RGL1: variants seen among roughly 807,000 people sequenced by gnomAD.
RGL1 encodes ral guanine nucleotide dissociation stimulator like 1.
RGL1 carries 24 observed loss-of-function variants against 95.2 expected under a neutral mutation model. The ratio of observed to expected loss-of-function variants is 0.25; its 90% CI spans 0.18 to 0.35. The LOEUF (loss-of-function observed/expected upper bound fraction) is 0.35. Among genes scored for constraint, RGL1 ranks in the 10% least tolerant of loss-of-function variants. RGL1 has a pLI of 1.00. For synonymous variants in RGL1, 329 were observed against 344.9 expected, an observed-to-expected ratio of 0.95 and a Z score of 0.51; for missense variants, 715 against 936.3, an observed-to-expected ratio of 0.76 and a Z score of 3.08.
At chr1:183,676,810 CA>C (rs1472607099) in intron 1 of RGL1, among the ~76,000 whole-genome samples, 2 of 149,024 alleles carry the variant, frequency 1.3e-5, no homozygotes, top group Non-Finnish European at 3.0e-5. Flanking sequence ...TAACCAAGGG[CA>C]AGTTACTTCT....
intron 2 of RGL1, among the ~76,000 whole-genome samples, chr1:183,750,382 A>G (rs1657915958): frequency 6.6e-6 from 1 of 152,114 alleles, no homozygotes; most frequent in Non-Finnish European, 1.5e-5. Flanking sequence ...GCTTCATGAA[A>G]TTCTTGTGCT....
chr1:183,681,843 C>T (rs10911404), intron 1 of RGL1, among the ~76,000 whole-genome samples: 10,058 of 152,212 alleles, frequency 0.066, 552 homozygotes, highest in African/African-American at 0.15. Context: ...ATTACTGCCT[C>T]AATTTAAGAA....
At chr1:183,677,357 C>T (rs1436590179) in intron 1 of RGL1, among the ~76,000 whole-genome samples, 1 of 151,748 alleles carries the variant, frequency 6.6e-6, no homozygotes, top group African/African-American at 2.4e-5. Context: ...ATTGCTATAC[C>T]TCCTTTCCTT....
At position 183,799,705 on chromosome 1, in the gene RGL1, C is replaced by T. The variant is rs1279251982; in HGVS notation, c.133-6670C>T. 9.9e-5 allele frequency among the ~76,000 whole-genome samples: 15 copies of T among 152,122 alleles called. No homozygotes were observed. In the South Asian group the frequency reaches 1.2e-3, roughly 13 times the overall value. ...TTCCTTATATATTTTGGATATTAAC[C>T]GCTTATCAGATATATGGTTTGTAAG... On this transcript the variant is annotated intron_variant, in intron 2 of 18. Transcript: ENST00000304685.
chr1:183,657,405 G>C (rs1159928218), intron 1 of RGL1, among the ~76,000 whole-genome samples: 2 of 152,078 alleles, frequency 1.3e-5, no homozygotes, highest in African/African-American at 4.8e-5. Context: ...TTGTCATTTA[G>C]CATTAGGTAT....
intron 2 of RGL1, among the ~76,000 whole-genome samples, chr1:183,779,158 C>CCTTCCTTCCTTCCTT (rs1659751103): frequency 1.1e-5 from 1 of 91,766 alleles, no homozygotes; most frequent in Non-Finnish European, 2.3e-5. Context: ...TCAAAATTTT[C>CCTTCCTTCCTTCCTT]CCTTCCTTCC....
At chr1:183,853,736 G>C (rs1363870755) in intron 3 of RGL1, among the ~76,000 whole-genome samples, 1 of 152,152 alleles carries the variant, frequency 6.6e-6, no homozygotes, top group African/African-American at 2.4e-5. Context: ...TCAGTAAGTA[G>C]CAGAGCTAGA....
chr1:183,826,011 A>ATCAG (rs1343166249), intron 2 of RGL1, among the ~76,000 whole-genome samples: 4 of 76,584 alleles, frequency 5.2e-5, no homozygotes, highest in Non-Finnish European at 7.1e-5. Flanking sequence ...TTTAAAATCA[A>ATCAG]TCAATCAATC....
rs12040169 is a variant in RGL1 at position 183,670,828 on chromosome 1, C to A, written c.-33+34327C>A. Among the ~76,000 whole-genome samples, 26 of 152,256 alleles carry A rather than the reference C, an allele frequency of 1.7e-4. 1 individual carries two copies. The highest frequency in any genetic ancestry group is 1.2e-3 in the South Asian group (6 of 4,834). ...TTTTTAATGCTGAATAATATTCCAT[C>A]GTATGGATATACTACAATTTGTTTA... is the stretch of plus-strand genomic sequence containing the variant. On this transcript the variant is annotated intron_variant, in intron 1 of 18. Transcript: ENST00000304685.
At chr1:183,873,916 A>T (rs1253542892) in intron 4 of RGL1, among the ~76,000 whole-genome samples, 1 of 152,230 alleles carries the variant, frequency 6.6e-6, no homozygotes, top group South Asian at 2.1e-4. Flanking sequence ...GCCTCGTAGC[A>T]TCTGTCACTA....
intron 5 of RGL1, 60 bp from the exon 6 acceptor site, chr1:183,883,726 T>C: frequency 6.3e-7 from 1 of 1,593,076 alleles, no homozygotes. Context: ...GTCTGATGAC[T>C]CTATAAGCAA....
intron 1 of RGL1, among the ~76,000 whole-genome samples, chr1:183,729,208 A>G (rs1045896656): frequency 3.3e-5 from 5 of 150,546 alleles, no homozygotes; most frequent in African/African-American, 1.2e-4. Context: ...GTGTGTGTGT[A>G]TACTATTTTA....
chr1:183,903,736 T>A (rs556387274), intron 12 of RGL1, among the ~76,000 whole-genome samples: 2 of 152,278 alleles, frequency 1.3e-5, no homozygotes, highest in African/African-American at 4.8e-5. Context: ...TATCTCCAAC[T>A]TGTAGGGCCA....
chr1:183,887,402 A>G (rs573469503), intron 7 of RGL1, among the ~76,000 whole-genome samples: 3 of 152,000 alleles, frequency 2.0e-5, no homozygotes, highest in South Asian at 2.1e-4. Flanking sequence ...ATTCAGGATT[A>G]ACATTTCTTT....
chr1:183,838,699 C>T (rs555277979), intron 2 of RGL1, among the ~76,000 whole-genome samples: 1 of 152,208 alleles, frequency 6.6e-6, no homozygotes, highest in Non-Finnish European at 1.5e-5. Flanking sequence ...GGAACGTACA[C>T]AGAAAGAAAA....
intron 14 of RGL1, among the ~76,000 whole-genome samples, chr1:183,909,389 C>T (rs1668521135): frequency 6.6e-6 from 1 of 152,150 alleles, no homozygotes; most frequent in Admixed American, 6.5e-5. Flanking sequence ...CAGGACAAAG[C>T]AGGACCTTAC....
Position 183,883,880 on chromosome 1 carries a change from C to G in RGL1, c.705C>G (p.Leu235=). 6.2e-7 allele frequency: 1 copy of G among 1,614,014 alleles called. No individual in the cohort carries two copies. The highest frequency in any genetic ancestry group is 8.5e-7 in the Non-Finnish European group (1 of 1,179,878). Reference sequence around the variant, plus strand: ...AATTCACGTGCTTCTCAGAAGATCTCGTGGCAGAGCAGCTGACCTACATGG... The same window carrying G: ...AATTCACGTGCTTCTCAGAAGATCTGGTGGCAGAGCAGCTGACCTACATGG... ...SAEFTCFSED[L]VAEQLTYMDA... The change falls in exon 6 of 18, where the codon CTC becomes CTG. Residue 235 remains leucine (L), a synonymous_variant. Coordinates refer to ENST00000360851, the MANE Select transcript of RGL1 (RefSeq NM_001297671.3).
chr1:183,704,609 T>C (rs1376072768), intron 1 of RGL1, among the ~76,000 whole-genome samples: 3 of 152,152 alleles, frequency 2.0e-5, no homozygotes, highest in South Asian at 4.1e-4. Context: ...GTTTGAACAG[T>C]GTTCACACAG....
chr1:183,711,395 C>T (rs998549335), intron 1 of RGL1, among the ~76,000 whole-genome samples: 1 of 152,142 alleles, frequency 6.6e-6, no homozygotes, highest in Non-Finnish European at 1.5e-5. Context: ...CTCCCAGCCT[C>T]AGTGAGCAGT....
Sources: gnomAD v4.1 joint callset for allele counts (sites outside exome capture counted in the v4.1 genomes callset) on GRCh38, gnomAD v4.1.1 for gene constraint, MANE v1.5 for transcripts, NCBI Gene and HGNC (gene_info 2026-07-23, HGNC 2026-07-21) for gene names.